The following CAMSAP1 variants were observed in gnomAD, a reference collection of about 807,000 sequenced individuals.
The protein encoded by CAMSAP1 is calmodulin-regulated spectrin-associated protein 1.
Under a neutral mutation model 143.5 loss-of-function variants are expected in CAMSAP1, and 58 were observed. The observed-to-expected ratio is 0.40, with a 90% confidence interval of 0.33 to 0.50. The LOEUF (loss-of-function observed/expected upper bound fraction) is 0.50, where lower values mean the gene tolerates loss of function less well. Among genes scored for constraint, CAMSAP1 ranks in the 20% least tolerant of loss-of-function variants. The pLI, the probability that CAMSAP1 is intolerant of heterozygous loss-of-function variation, is 0.45. For synonymous variants in CAMSAP1, 945 were observed against 859.3 expected (o/e 1.10, Z -1.74); for missense variants, 1,969 against 2,115.7 (o/e 0.93, Z 1.36).
chr9:135,829,234 G>C (rs958944273), intron 7 of CAMSAP1, among the ~76,000 whole-genome samples: 33 of 152,288 alleles, frequency 2.2e-4, no homozygotes, highest in African/African-American at 7.9e-4. Context: ...AGGCACGGTG[G>C]CCCATGCCTG....
intron 5 of CAMSAP1, among the ~76,000 whole-genome samples, chr9:135,856,687 C>G (rs550292557): frequency 4.6e-5 from 7 of 152,350 alleles, no homozygotes; most frequent in Middle Eastern, 3.4e-3. Context: ...CAGACTGAGT[C>G]TCTATACACC....
chr9:135,835,926 G>A (rs1202723480), intron 7 of CAMSAP1, among the ~76,000 whole-genome samples: 39 of 152,190 alleles, frequency 2.6e-4, no homozygotes, highest in Non-Finnish European at 1.5e-5. Context: ...GCTGCAGTGA[G>A]GTGAGATTGT....
rs575005827 is a variant in CAMSAP1, at chr9:135,835,306, C to A, written c.1046-7722G>T. Among the ~76,000 whole-genome samples the A allele has an allele frequency of 4.6e-5, 7 of 152,296 alleles. No individual in the cohort carries two copies. In the South Asian group the frequency reaches 1.4e-3, roughly 32 times the overall value. ...GACGGGTACCCACAGCAGCACCAGGCAGCCCCGTGGTCGCCCCCTTCAGTA... is the reference window on the plus strand; with the variant it reads ...GACGGGTACCCACAGCAGCACCAGGAAGCCCCGTGGTCGCCCCCTTCAGTA... On this transcript the variant is annotated intron_variant, in intron 7 of 16. Transcript: ENST00000389532.
chr9:135,828,743 G>A (rs1397982976), intron 7 of CAMSAP1, among the ~76,000 whole-genome samples: 1 of 152,196 alleles, frequency 6.6e-6, no homozygotes, highest in Admixed American at 6.5e-5. Context: ...GATGACATGT[G>A]CTCCCCCAGG....
chr9:135,873,980 A>G (rs954950509), intron 3 of CAMSAP1, among the ~76,000 whole-genome samples: 3 of 152,348 alleles, frequency 2.0e-5, no homozygotes, highest in African/African-American at 7.2e-5. Context: ...ACAATATATT[A>G]GCAAATCGAA....
intron 3 of CAMSAP1, among the ~76,000 whole-genome samples, chr9:135,880,598 C>A (rs1837911247): frequency 6.6e-6 from 1 of 152,190 alleles, no homozygotes; most frequent in African/African-American, 2.4e-5. Context: ...CTGACAAAGA[C>A]CCGCCTTTCA....
chr9:135,860,323 C>T lies in CAMSAP1; in HGVS notation c.808+2144G>A, dbSNP rs141649484. Among the ~76,000 whole-genome samples the T allele has an allele frequency of 3.7e-3, 561 of 150,560 alleles. 2 individuals carry two copies. The highest frequency in any genetic ancestry group is 0.013 in the African/African-American group (542 of 40,978). ...CATAAAAGAAGGTCCCATGGCCAGGCGCGGTGGCTCACACCTGTAATCCCA... is the reference window on the plus strand; with the variant it reads ...CATAAAAGAAGGTCCCATGGCCAGGTGCGGTGGCTCACACCTGTAATCCCA... On this transcript the variant is annotated intron_variant, in intron 5 of 16. Transcript: ENST00000389532.
Position 135,818,001 on chromosome 9 carries a change from T to C in CAMSAP1, c.4247A>G (p.His1416Arg), listed in dbSNP as rs1222420640. ...SAATTEPESVHSGGTPSQRVE... is the reference protein window; with the variant it reads ...SAATTEPESVRSGGTPSQRVE... ...CCGCTGAGAGGGTGTGCCCCCGGAATGAACGCTCTCGGGTTCTGTCGTCGC... is the reference window on the plus strand; with the variant it reads ...CCGCTGAGAGGGTGTGCCCCCGGAACGAACGCTCTCGGGTTCTGTCGTCGC... Residue 1416 changes from histidine to arginine, a missense_variant, in exon 14 of 17, where the codon CAT becomes CGT. By Grantham distance (29) the His-to-Arg change is conservative. Around this residue, in one of 4 missense-constraint regions of CAMSAP1, gnomAD observed 1,390 missense variants for 1,420.8 expected, o/e 0.98. Transcript: ENST00000389532. The surrounding 1 kb of genome is among the most constrained non-coding windows in gnomAD (Gnocchi z 7.7). 1 of 1,613,932 alleles carries C rather than the reference T, an allele frequency of 6.2e-7. No homozygotes were observed. Among genetic ancestry groups the C allele is most frequent in the Non-Finnish European group, 8.5e-7 (1 of 1,179,888 alleles).
chr9:135,869,573 G>A (rs879639418), intron 3 of CAMSAP1, among the ~76,000 whole-genome samples: 3 of 151,094 alleles, frequency 2.0e-5, no homozygotes, highest in Non-Finnish European at 4.4e-5. Flanking sequence ...AGAACCCTCA[G>A]ATGCAGCCAG....
chr9:135,850,480 A>C lies in CAMSAP1; in HGVS notation c.809-19T>G. 1 of 1,537,480 alleles carries C rather than the reference A, an allele frequency of 6.5e-7. No individual in the cohort carries two copies. ...CATATATCTAATAGACAAAAAGAAA[A>C]TCACAATTTATTGTAAAGGTATTCT... On this transcript the variant is annotated intron_variant, in intron 5 of 16. Coordinates refer to ENST00000389532, the MANE Select transcript of CAMSAP1 (RefSeq NM_015447.4).
At chr9:135,854,182 G>A (rs1836872503) in intron 5 of CAMSAP1, among the ~76,000 whole-genome samples, 1 of 152,216 alleles carries the variant, frequency 6.6e-6, no homozygotes, top group Admixed American at 6.5e-5. Flanking sequence ...GTGGATGTAT[G>A]TGTTGACTCC....
In CAMSAP1 at chr9:135,882,680, C is replaced by A; in HGVS notation, c.423+136G>T. On this transcript the variant is annotated intron_variant, in intron 2 of 16. Coordinates refer to ENST00000389532, the MANE Select transcript of CAMSAP1 (RefSeq NM_015447.4). This position sits in a 1 kb window ranked among gnomAD's most constrained non-coding sequence, Gnocchi z 4.9. ...AAAAGATATGCAGTTTCCTAAGGAACGCCAGTGTGCAAAAGCACGGGTCTC... is the reference window on the plus strand; with the variant it reads ...AAAAGATATGCAGTTTCCTAAGGAAAGCCAGTGTGCAAAAGCACGGGTCTC... 3.1e-6 allele frequency: 3 copies of A among 959,078 alleles called. No individual in the cohort carries two copies. The highest frequency in any genetic ancestry group is 4.5e-6 in the Non-Finnish European group (3 of 661,762). The allele number at this position is 959,078 out of a possible 1,614,324, so 59.4% of individuals were successfully genotyped here. A position where few individuals can be genotyped will look rare whatever the true frequency, so the allele number is the denominator to read the frequency against.
chr9:135,878,490 T>A (rs974477949), intron 3 of CAMSAP1, among the ~76,000 whole-genome samples: 1 of 152,206 alleles, frequency 6.6e-6, no homozygotes, highest in Non-Finnish European at 1.5e-5. Context: ...CCAAAGGGAA[T>A]TCAGACCTTA....
At chr9:135,840,861 G>A (rs1331140570) in intron 7 of CAMSAP1, among the ~76,000 whole-genome samples, 5 of 152,180 alleles carry the variant, frequency 3.3e-5, no homozygotes, top group Admixed American at 1.3e-4. Flanking sequence ...CACAGACCAG[G>A]AGATTCCCTT....
chr9:135,875,373 C>T (rs1837705786), intron 3 of CAMSAP1, among the ~76,000 whole-genome samples: 2 of 152,126 alleles, frequency 1.3e-5, no homozygotes, highest in South Asian at 4.2e-4. Flanking sequence ...CCATGCCTGG[C>T]TAGTTTTTTG....
At chr9:135,868,609 A>ATTTT (rs767495608) in intron 3 of CAMSAP1, among the ~76,000 whole-genome samples, 10 of 93,474 alleles carry the variant, frequency 1.1e-4, no homozygotes, top group East Asian at 3.3e-4. Context: ...GAGATTGGCA[A>ATTTT]TTTTTTTTTT....
At position 135,824,977 on chromosome 9, in the gene CAMSAP1, C is replaced by A. The variant is rs929394431; in HGVS notation, c.1224-97G>T. 33 of 962,462 alleles carry A rather than the reference C, an allele frequency of 3.4e-5. No individual in the cohort carries two copies. Among genetic ancestry groups the A allele is most frequent in the Middle Eastern group, 2.1e-4 (1 of 4,704 alleles). 59.6% of individuals were successfully genotyped at this position (962,462 alleles called of 1,614,324 possible). ...TGTACAGGACCATCCTGAATTCACA[C>A]CAAGTTTTGAGAAACTCGGACTGTT... On this transcript the variant is annotated intron_variant, in intron 8 of 16. Coordinates refer to ENST00000389532, the MANE Select transcript of CAMSAP1 (RefSeq NM_015447.4). The surrounding 1 kb of genome is among the most constrained non-coding windows in gnomAD (Gnocchi z 4.1).
At chr9:135,897,609 G>A (rs998220098) in intron 1 of CAMSAP1, among the ~76,000 whole-genome samples, 17 of 152,184 alleles carry the variant, frequency 1.1e-4, no homozygotes, top group African/African-American at 3.6e-4. Flanking sequence ...GTCAGACAGA[G>A]AACTATCTGC....
At chr9:135,899,380 G>T (rs1203427910) in intron 1 of CAMSAP1, among the ~76,000 whole-genome samples, 1 of 149,474 alleles carries the variant, frequency 6.7e-6, no homozygotes, top group Non-Finnish European at 1.5e-5. Context: ...CTTGAGCCCA[G>T]GAGTTCGAGA....
Sources: gnomAD v4.1 joint callset for allele counts (sites outside exome capture counted in the v4.1 genomes callset) on GRCh38, gnomAD v4.1.1 for gene constraint, gnomAD v4.1.1 regional missense constraint, Gnocchi (gnomAD v3.1) non-coding constraint, MANE v1.5 for transcripts, NCBI Gene and HGNC (gene_info 2026-07-23, HGNC 2026-07-21) for gene names.